Variants in GNAI1 observed in about 807,000 individuals in gnomAD.
GNAI1 encodes the protein guanine nucleotide-binding protein G(i) subunit alpha-1.
GNAI1 carries 11 observed loss-of-function variants against 38.9 expected under a neutral mutation model. The observed-to-expected ratio is 0.28, with a 90% CI of 0.18 to 0.47. GNAI1 has a LOEUF of 0.47. Ranked by LOEUF, GNAI1 falls within the 20% of genes least tolerant of loss-of-function variation. The probability of loss-of-function intolerance (pLI) is 0.99; values close to 1 mark genes in which losing one functional copy is unlikely to be tolerated. For synonymous variants in GNAI1, 166 were observed against 145.1 expected, an observed-to-expected ratio of 1.14 and a Z score of -1.04; for missense variants, 317 against 436.9, an observed-to-expected ratio of 0.73 and a Z score of 2.45.
chr7:80,204,586 C>A lies in GNAI1; in HGVS notation c.590+754C>A, dbSNP rs552388921. On this transcript the variant is annotated intron_variant, in intron 5 of 7. Coordinates refer to ENST00000649796, the MANE Select transcript of GNAI1 (RefSeq NM_002069.6). ...TAAACACAACGAAATATAATGTTTTCATTTGCAGAGTCTTGTTTTATCTAT... is the reference window on the plus strand; with the variant it reads ...TAAACACAACGAAATATAATGTTTTAATTTGCAGAGTCTTGTTTTATCTAT... 5.3e-5 allele frequency among the ~76,000 whole-genome samples: 8 copies of A among 152,230 alleles called. No homozygotes were observed. In the East Asian group the frequency reaches 1.5e-3, roughly 29 times the overall value.
rs1280503999 is a variant in GNAI1, at chr7:80,223,457, T to C, written c.*5964T>C. On this transcript the variant is annotated 3_prime_UTR_variant, in exon 8 of 8. Coordinates refer to ENST00000649796, the MANE Select transcript of GNAI1 (RefSeq NM_002069.6). Reference sequence around the variant, plus strand: ...GGATTTTCTGTTGTGCACTCTTGAATTTTAATTATGTTCTGTGGAAACTTC... The same window carrying C: ...GGATTTTCTGTTGTGCACTCTTGAACTTTAATTATGTTCTGTGGAAACTTC... Among the ~76,000 whole-genome samples, 1 of 152,218 alleles carries C rather than the reference T, an allele frequency of 6.6e-6. No homozygotes were observed. The highest frequency in any genetic ancestry group is 2.4e-5 in the African/African-American group (1 of 41,466).
chr7:80,135,929 A>T, intron 1 of GNAI1: 1 of 985,348 alleles, frequency 1.0e-6, no homozygotes, highest in Non-Finnish European at 1.2e-6. Context: ...GAAGCCACCC[A>T]AGTGGGGTTG....
chr7:80,158,820 C>G (rs1787864318), intron 1 of GNAI1, among the ~76,000 whole-genome samples: 2 of 152,222 alleles, frequency 1.3e-5, no homozygotes, highest in African/African-American at 4.8e-5. Context: ...CTTTCAAATT[C>G]CTCCCAGTTC....
At position 80,223,917 on chromosome 7, in the gene GNAI1, A is replaced by G. The variant is rs1789119509; in HGVS notation, c.*6424A>G. ...GAAAGGAATCTTGTCTAAATCTAAT[A>G]AAGCATTTTTCTGGCTGAAGCTGCA... On this transcript the variant is annotated 3_prime_UTR_variant, in exon 8 of 8. Transcript: ENST00000649796. 6.6e-6 allele frequency among the ~76,000 whole-genome samples: 1 copy of G among 152,188 alleles called. No homozygotes were observed. Among genetic ancestry groups the G allele is most frequent in the African/African-American group, 2.4e-5 (1 of 41,438 alleles).
rs367981356 is a variant in GNAI1 at position 80,212,855 on chromosome 7, A to G, written c.860A>G (p.Tyr287Cys). ...AAAAAGAGCCCTCTCACTATATGCTATCCAGAATATGCAGGTATTTTCCTT... is the reference window on the plus strand; with the variant it reads ...AAAAAGAGCCCTCTCACTATATGCTGTCCAGAATATGCAGGTATTTTCCTT... ...KIKKSPLTICYPEYAGSNTYE... is the reference protein window; with the variant it reads ...KIKKSPLTICCPEYAGSNTYE... Residue 287 changes from tyrosine (Y) to cysteine (C), a missense_variant, in exon 7 of 8, where the codon TAT (tyrosine) becomes TGT (cysteine). Tyr to Cys is a radical substitution (Grantham distance 194). Around this residue, in one of 5 missense-constraint regions of GNAI1, gnomAD observed 158 missense variants for 234.7 expected, o/e 0.67. Coordinates refer to ENST00000649796, the MANE Select transcript of GNAI1 (RefSeq NM_002069.6). The G allele has an allele frequency of 6.4e-7, 1 of 1,565,472 alleles. No individual in the cohort carries two copies. Among genetic ancestry groups the G allele is most frequent in the South Asian group, 1.2e-5 (1 of 81,118 alleles).
At chr7:80,187,305 T>C in intron 1 of GNAI1, 1 of 152,114 alleles carries the variant, frequency 6.6e-6, no homozygotes, top group Non-Finnish European at 1.5e-5. Flanking sequence ...GACCATCAGT[T>C]GTATCAGTCA....
At chr7:80,205,289 TTTTAAG>T (rs1371965625) in intron 5 of GNAI1, among the ~76,000 whole-genome samples, 1 of 152,142 alleles carries the variant, frequency 6.6e-6, no homozygotes, top group Admixed American at 6.6e-5. Flanking sequence ...TTTGTTGTTC[TTTTAAG>T]TTTAACAGAT....
At chr7:80,216,283 C>G (rs116018453) in intron 7 of GNAI1, among the ~76,000 whole-genome samples, 1,882 of 150,810 alleles carry the variant, frequency 0.012, 46 homozygotes, top group African/African-American at 0.042. Flanking sequence ...CCCAGAAAGC[C>G]CCATCATGCT....
chr7:80,221,677 T>C lies in GNAI1; in HGVS notation c.*4184T>C, dbSNP rs1365951837. Among the ~76,000 whole-genome samples, 1 of 134,220 alleles carries C rather than the reference T, an allele frequency of 7.5e-6. No homozygotes were observed. The highest frequency in any genetic ancestry group is 2.7e-5 in the African/African-American group (1 of 36,766). The allele number at this position is 134,220 out of a possible 152,430, so 88.1% of individuals were successfully genotyped here. ...TTTTTTTTTTGGTATGGAGTCTTGC[T>C]CCTTCACCAGGCTGGAGTGCAGTCG... On this transcript the variant is annotated 3_prime_UTR_variant, in exon 8 of 8. Transcript: ENST00000649796.
chr7:80,156,707 T>TA (rs1446354553), intron 1 of GNAI1, among the ~76,000 whole-genome samples: 28 of 152,328 alleles, frequency 1.8e-4, no homozygotes, highest in African/African-American at 6.7e-4. Flanking sequence ...GTGATGGAGT[T>TA]ACAGGAGTGA....
At chr7:80,158,282 C>T (rs1787854208) in intron 1 of GNAI1, among the ~76,000 whole-genome samples, 1 of 152,164 alleles carries the variant, frequency 6.6e-6, no homozygotes, top group Non-Finnish European at 1.5e-5. Flanking sequence ...AATTCCGTAA[C>T]TCTTAATGAG....
intron 5 of GNAI1, among the ~76,000 whole-genome samples, chr7:80,208,529 T>C (rs1357559431): frequency 2.6e-5 from 4 of 152,130 alleles, no homozygotes; most frequent in Non-Finnish European, 5.9e-5. Flanking sequence ...TAATTGATCC[T>C]CAAAAGGATG....
At chr7:80,166,167 A>T (rs1437169645) in intron 1 of GNAI1, among the ~76,000 whole-genome samples, 1 of 152,216 alleles carries the variant, frequency 6.6e-6, no homozygotes, top group African/African-American at 2.4e-5. Context: ...ACAACAGATT[A>T]CATTTTGCTT....
chr7:80,217,108 A>G (rs1299259985), intron 7 of GNAI1, among the ~76,000 whole-genome samples, 195 bp from the exon 8 acceptor site: 1 of 151,142 alleles, frequency 6.6e-6, no homozygotes, highest in Non-Finnish European at 1.5e-5. Flanking sequence ...TAGTCATTAA[A>G]GGTAATTAAC....
intron 1 of GNAI1, 56 bp downstream of exon 1, chr7:80,135,334 C>A (rs1489617144): frequency 7.7e-5 from 81 of 1,058,088 alleles, no homozygotes; most frequent in Middle Eastern, 6.8e-4. Flanking sequence ...TGCGGCGCTG[C>A]GCGGCCCTCG....
chr7:80,147,152 T>A (rs1008361931), intron 1 of GNAI1, among the ~76,000 whole-genome samples: 2 of 152,104 alleles, frequency 1.3e-5, no homozygotes, highest in African/African-American at 4.8e-5. Context: ...AATAATAATG[T>A]TTTTCTGACT....
chr7:80,214,469 A>G (rs1440768603), intron 7 of GNAI1, among the ~76,000 whole-genome samples: 1 of 152,178 alleles, frequency 6.6e-6, no homozygotes, highest in Non-Finnish European at 1.5e-5. Context: ...AGCAACTAAG[A>G]ATATACTTGT....
intron 7 of GNAI1, among the ~76,000 whole-genome samples, chr7:80,215,648 T>C (rs35405368): frequency 0.23 from 35,170 of 152,070 alleles, 4,262 homozygotes; most frequent in African/African-American, 0.27. Context: ...GGGTATGATA[T>C]TTACTCTTGA....
chr7:80,210,035 T>C (rs1470507785), intron 5 of GNAI1, among the ~76,000 whole-genome samples: 3 of 152,132 alleles, frequency 2.0e-5, no homozygotes, highest in Admixed American at 2.0e-4. Flanking sequence ...GAAAATTCTT[T>C]TTGCCTGGGA....
Sources: gnomAD v4.1 joint callset for allele counts (sites outside exome capture counted in the v4.1 genomes callset) on GRCh38, gnomAD v4.1.1 for gene constraint, gnomAD v4.1.1 regional missense constraint, MANE v1.5 for transcripts, NCBI Gene and HGNC (gene_info 2026-07-23, HGNC 2026-07-21) for gene names.